Variants in AGBL4 observed in about 807,000 individuals in gnomAD.
AGBL4 encodes the protein AGBL carboxypeptidase 4.
In AGBL4, 58 loss-of-function variants were observed where a neutral mutation model predicts 66.4. The ratio of observed to expected loss-of-function variants is 0.87; its 90% confidence interval spans 0.71 to 1.09. AGBL4 has a LOEUF of 1.09. AGBL4 is among the 50% of genes least tolerant of loss of function. The pLI, the probability that AGBL4 is intolerant of heterozygous loss-of-function variation, is 0.00. For missense variants in AGBL4, 579 were observed against 631.0 expected (o/e 0.92, Z 0.88); for synonymous variants, 234 against 222.9 (o/e 1.05, Z -0.44).
intron 5 of AGBL4, among the ~76,000 whole-genome samples, chr1:49,019,978 T>C (rs1213599890): frequency 2.0e-5 from 3 of 152,238 alleles, no homozygotes; most frequent in African/African-American, 4.8e-5. Context: ...GTGGCACATA[T>C]ACACATTCAG....
chr1:49,277,739 A>G (rs963573413), intron 3 of AGBL4, among the ~76,000 whole-genome samples: 1 of 24,032 alleles, frequency 4.2e-5, no homozygotes, highest in African/African-American at 1.1e-4. Context: ...GCATAGCTGA[A>G]AAAAAAAAAA....
chr1:49,223,245 A>G (rs1384840920), intron 4 of AGBL4, among the ~76,000 whole-genome samples: 7 of 152,198 alleles, frequency 4.6e-5, no homozygotes, highest in Non-Finnish European at 7.3e-5. Flanking sequence ...AGATGGTAAG[A>G]GAAAGGAAAA....
intron 3 of AGBL4, among the ~76,000 whole-genome samples, chr1:49,545,897 A>G (rs2148829944): frequency 6.6e-6 from 1 of 152,292 alleles, no homozygotes; most frequent in East Asian, 1.9e-4. Context: ...TTATTTTTCC[A>G]TAAGTTATGG....
At chr1:49,522,242 G>A (rs1558018925) in intron 3 of AGBL4, among the ~76,000 whole-genome samples, 1 of 151,778 alleles carries the variant, frequency 6.6e-6, no homozygotes, top group Non-Finnish European at 1.5e-5. Context: ...ATGACCTTAG[G>A]TAAGTTTCGT....
At chr1:48,725,504 T>G (rs1002861214) in intron 6 of AGBL4, among the ~76,000 whole-genome samples, 1 of 152,212 alleles carries the variant, frequency 6.6e-6, no homozygotes, top group Non-Finnish European at 1.5e-5. Flanking sequence ...ATGGCCTGAA[T>G]TAATAAGATT....
intron 1 of AGBL4, among the ~76,000 whole-genome samples, chr1:49,913,996 T>C (rs1651129250): frequency 6.6e-6 from 1 of 152,236 alleles, no homozygotes; most frequent in Non-Finnish European, 1.5e-5. Flanking sequence ...TTAAGGGTCT[T>C]TGAAATGCCT....
chr1:48,646,735 T>A (rs1645842974), intron 8 of AGBL4, among the ~76,000 whole-genome samples: 1 of 152,056 alleles, frequency 6.6e-6, no homozygotes, highest in South Asian at 2.1e-4. Flanking sequence ...AGACAGTGTA[T>A]CAAGAGGTTA....
intron 3 of AGBL4, among the ~76,000 whole-genome samples, chr1:49,314,978 C>G (rs1433039825): frequency 6.6e-6 from 1 of 151,858 alleles, no homozygotes; most frequent in African/African-American, 2.4e-5. Context: ...TTTCTAATGA[C>G]CAGTAATCAC....
At chr1:49,201,510 G>A (rs1176708482) in intron 4 of AGBL4, among the ~76,000 whole-genome samples, 2 of 152,136 alleles carry the variant, frequency 1.3e-5, no homozygotes, top group Non-Finnish European at 2.9e-5. Flanking sequence ...CCTTTTTAAT[G>A]TGCAATGAAT....
intron 3 of AGBL4, among the ~76,000 whole-genome samples, chr1:49,667,433 G>T (rs1646392817): frequency 6.6e-6 from 1 of 151,826 alleles, no homozygotes; most frequent in South Asian, 2.1e-4. Context: ...ACTCTAGCCT[G>T]GCCAACAAAA....
At chr1:49,833,337 T>C (rs1645750992) in intron 2 of AGBL4, among the ~76,000 whole-genome samples, 1 of 151,406 alleles carries the variant, frequency 6.6e-6, no homozygotes, top group African/African-American at 2.4e-5. Context: ...GGCTCTGTTC[T>C]GTTCCATTGA....
intron 4 of AGBL4, among the ~76,000 whole-genome samples, chr1:49,070,083 G>T (rs1644570661): frequency 6.6e-6 from 1 of 151,904 alleles, no homozygotes; most frequent in African/African-American, 2.4e-5. Context: ...CATTGATTTT[G>T]TACCCTGAGA....
chr1:49,243,218 T>C (rs1171007504), intron 4 of AGBL4, among the ~76,000 whole-genome samples: 1 of 151,732 alleles, frequency 6.6e-6, no homozygotes, highest in Non-Finnish European at 1.5e-5. Flanking sequence ...CAAACTTTTT[T>C]TGTTATAGTG....
chr1:49,571,284 C>T (rs908486609), intron 3 of AGBL4, among the ~76,000 whole-genome samples: 7 of 151,766 alleles, frequency 4.6e-5, no homozygotes, highest in African/African-American at 1.7e-4. Flanking sequence ...TTGTGGTTTT[C>T]CTTATAGAAA....
chr1:49,734,569 A>G (rs988450915), intron 2 of AGBL4, among the ~76,000 whole-genome samples: 2 of 152,122 alleles, frequency 1.3e-5, no homozygotes, highest in Non-Finnish European at 2.9e-5. Flanking sequence ...AATTAAAAAT[A>G]AAGTTAATTT....
chr1:49,899,543 G>A (rs1649566368), intron 1 of AGBL4, among the ~76,000 whole-genome samples: 1 of 150,764 alleles, frequency 6.6e-6, no homozygotes, highest in Admixed American at 6.6e-5. Context: ...CATCCCTTCT[G>A]GGCCACTTAC....
intron 1 of AGBL4, among the ~76,000 whole-genome samples, chr1:49,862,911 A>G (rs1038324602): frequency 3.5e-4 from 53 of 152,222 alleles, no homozygotes; most frequent in African/African-American, 1.3e-3. Context: ...GAAGTAGTTC[A>G]ATCAGAAGGA....
intron 4 of AGBL4, among the ~76,000 whole-genome samples, chr1:49,176,158 G>T (rs982494689): frequency 2.2e-4 from 33 of 152,112 alleles, no homozygotes; most frequent in Non-Finnish European, 4.3e-4. Context: ...TGATGGTGAT[G>T]ACAATGATGA....
chr1:49,249,965 T>C (rs976759419), intron 3 of AGBL4, among the ~76,000 whole-genome samples: 1 of 152,160 alleles, frequency 6.6e-6, no homozygotes, highest in African/African-American at 2.4e-5. Flanking sequence ...AGTGAAACAA[T>C]CCAGGCATAG....
Sources: allele counts gnomAD v4.1 joint callset (sites outside exome capture counted in the v4.1 genomes callset), GRCh38; gene constraint gnomAD v4.1.1; transcripts MANE v1.5; gene names NCBI Gene and HGNC (gene_info 2026-07-23, HGNC 2026-07-21).